The following SPAG16 variants were observed in gnomAD, a reference collection of about 807,000 sequenced individuals.
SPAG16 encodes the protein sperm associated antigen 16.
Under a neutral mutation model 80.4 loss-of-function variants are expected in SPAG16, and 86 were observed. That is an observed-to-expected ratio of 1.07 (90% confidence interval 0.90 to 1.28). The LOEUF (loss-of-function observed/expected upper bound fraction) is 1.28. Ranked by LOEUF, SPAG16 falls within the 50% of genes most tolerant of loss-of-function variation. The pLI is 0.00. For missense variants in SPAG16, 870 were observed against 765.3 expected (o/e 1.14, Z -1.61); for synonymous variants, 294 against 265.9 (o/e 1.11, Z -1.03).
intron 10 of SPAG16, among the ~76,000 whole-genome samples, chr2:213,712,924 C>A (rs1448979244): frequency 6.6e-6 from 1 of 152,048 alleles, no homozygotes; most frequent in Non-Finnish European, 1.5e-5. Flanking sequence ...ATACCTGAGG[C>A]TGGGTAATTT....
At chr2:213,740,520 G>A (rs182835642) in intron 10 of SPAG16, among the ~76,000 whole-genome samples, 7 of 152,296 alleles carry the variant, frequency 4.6e-5, no homozygotes, top group East Asian at 1.9e-4. Flanking sequence ...GGTAGATTGC[G>A]TTGTAGTTCA....
At chr2:213,720,419 A>G (rs2125392055) in intron 10 of SPAG16, among the ~76,000 whole-genome samples, 1 of 151,128 alleles carries the variant, frequency 6.6e-6, no homozygotes, top group Admixed American at 6.6e-5. Flanking sequence ...TGAGGTCAGG[A>G]GATCGAGACT....
intron 11 of SPAG16, among the ~76,000 whole-genome samples, chr2:213,891,957 G>A (rs569877887): frequency 6.6e-6 from 1 of 152,230 alleles, no homozygotes; most frequent in African/African-American, 2.4e-5. Context: ...CTCACAGAAA[G>A]CATTACAAGT....
At chr2:214,189,882 C>G (rs2057602058) in intron 15 of SPAG16, among the ~76,000 whole-genome samples, 1 of 151,984 alleles carries the variant, frequency 6.6e-6, no homozygotes, top group Non-Finnish European at 1.5e-5. Context: ...AAATTATCAA[C>G]AATCCCCTTT....
rs1338877380 is a variant in SPAG16 at position 213,908,157 on chromosome 2, TAAAAG to T, written c.1215-21801_1215-21797del. On this transcript the variant is annotated intron_variant, in intron 11 of 15. Coordinates refer to ENST00000331683, the MANE Select transcript of SPAG16 (RefSeq NM_024532.5). ...ACAATTATTATGAATCAACTAAAGA[TAAAAG>T]AGAAAATAATTCAGTTGAAGATGAG... 3.9e-5 allele frequency among the ~76,000 whole-genome samples: 6 copies of T among 152,012 alleles called. No individual in the cohort carries two copies. The East Asian group carries it at 1.2e-3, about 29-fold the overall frequency.
chr2:214,019,488 A>G (rs2047749789), intron 13 of SPAG16, among the ~76,000 whole-genome samples: 1 of 152,144 alleles, frequency 6.6e-6, no homozygotes, highest in Non-Finnish European at 1.5e-5. Flanking sequence ...AACTGCGGGC[A>G]CTTGTCCAGC....
chr2:214,079,047 T>C (rs2051229208), intron 13 of SPAG16, among the ~76,000 whole-genome samples: 1 of 152,178 alleles, frequency 6.6e-6, no homozygotes, highest in East Asian at 1.9e-4. Flanking sequence ...AGGTCTTTCA[T>C]GGCACCTCAG....
intron 10 of SPAG16, among the ~76,000 whole-genome samples, chr2:213,859,476 C>T (rs533621445): frequency 2.0e-5 from 3 of 152,078 alleles, no homozygotes; most frequent in Non-Finnish European, 4.4e-5. Flanking sequence ...AATACACTGG[C>T]AATTTCTAAA....
chr2:213,925,005 C>G (rs571530079), intron 11 of SPAG16, among the ~76,000 whole-genome samples: 2 of 152,100 alleles, frequency 1.3e-5, no homozygotes, highest in South Asian at 2.1e-4. Flanking sequence ...GTCATATGCT[C>G]TATTACTATT....
chr2:213,953,295 C>A (rs1345172586), intron 12 of SPAG16, among the ~76,000 whole-genome samples: 2 of 151,504 alleles, frequency 1.3e-5, no homozygotes, highest in African/African-American at 4.8e-5. Context: ...AAACAAGAAA[C>A]AACATACTGA....
intron 13 of SPAG16, among the ~76,000 whole-genome samples, chr2:214,051,044 C>A (rs2049615919): frequency 1.3e-5 from 2 of 152,250 alleles, no homozygotes; most frequent in Middle Eastern, 3.4e-3. Flanking sequence ...TTGAACCATG[C>A]AATCATAGCA....
At chr2:213,284,772 G>A (rs2061992955) in intron 1 of SPAG16, 153 bp downstream of exon 1, 1 of 1,101,160 alleles carries the variant, frequency 9.1e-7, no homozygotes, top group African/African-American at 1.6e-5. Context: ...TGCCACCACA[G>A]TCTTCCTGAG....
chr2:213,778,222 T>G (rs1368865996), intron 10 of SPAG16, among the ~76,000 whole-genome samples: 4 of 152,018 alleles, frequency 2.6e-5, no homozygotes, highest in African/African-American at 9.7e-5. Flanking sequence ...TTGCTTAACA[T>G]CTTTAATTAG....
At chr2:214,281,004 T>C in intron 15 of SPAG16, 1 of 416,664 alleles carries the variant, frequency 2.4e-6, no homozygotes, top group Non-Finnish European at 4.6e-6. Flanking sequence ...CTGTAAGGGA[T>C]AGACAAACCT....
In SPAG16 at chr2:214,248,287, A is replaced by ATATTAT. The variant is rs71975870; in HGVS notation, c.1720+99065_1720+99070dup. On this transcript the variant is annotated intron_variant, in intron 15 of 15. Transcript: ENST00000331683. ...CTGCTATGTGCTGGGTACTATTCTT[A>ATATTAT]TATTATTATTATTATTATTATTATT... 3.0e-3 allele frequency among the ~76,000 whole-genome samples: 416 copies of ATATTAT among 138,536 alleles called. 1 individual carries two copies. The highest frequency in any genetic ancestry group is 3.4e-3 in the South Asian group (14 of 4,172). 90.9% of individuals were successfully genotyped at this position (138,536 alleles called of 152,430 possible).
At chr2:213,467,182 T>C (rs2072746003) in intron 9 of SPAG16, among the ~76,000 whole-genome samples, 2 of 152,196 alleles carry the variant, frequency 1.3e-5, no homozygotes, top group Admixed American at 6.5e-5. Context: ...TTATCAATGA[T>C]GGCTTCTAGC....
At chr2:213,724,960 T>C (rs796691665) in intron 10 of SPAG16, among the ~76,000 whole-genome samples, 10 of 152,124 alleles carry the variant, frequency 6.6e-5, no homozygotes, top group African/African-American at 2.4e-4. Flanking sequence ...AATAGGCCAG[T>C]ATGCACACTC....
intron 15 of SPAG16, among the ~76,000 whole-genome samples, chr2:214,340,204 G>C (rs886860190): frequency 6.6e-6 from 1 of 152,114 alleles, no homozygotes; most frequent in East Asian, 1.9e-4. Flanking sequence ...AATTTTCTTT[G>C]ACGATAGACC....
intron 10 of SPAG16, among the ~76,000 whole-genome samples, chr2:213,581,344 G>T (rs1282053554): frequency 6.6e-6 from 1 of 151,982 alleles, no homozygotes; most frequent in Non-Finnish European, 1.5e-5. Context: ...AGCCTCCCAA[G>T]TAGCTGGAAC....
Sources: gnomAD v4.1 joint callset for allele counts (sites outside exome capture counted in the v4.1 genomes callset) on GRCh38, gnomAD v4.1.1 for gene constraint, MANE v1.5 for transcripts, NCBI Gene and HGNC (gene_info 2026-07-23, HGNC 2026-07-21) for gene names.